The following SKAP1 variants were observed in gnomAD, a reference collection of about 807,000 sequenced individuals.
The protein encoded by SKAP1 is src kinase-associated phosphoprotein 1.
In SKAP1, 44 loss-of-function variants were observed where a neutral mutation model predicts 58.5. The ratio of observed to expected loss-of-function variants is 0.75; its 90% confidence interval spans 0.59 to 0.97. The LOEUF is 0.97. Among genes scored for constraint, SKAP1 ranks in the 50% least tolerant of loss-of-function variants. The pLI is 0.00. For missense variants in SKAP1, 390 were observed against 435.2 expected (o/e 0.90, Z 0.92); for synonymous variants, 127 against 149.7 (o/e 0.85, Z 1.11).
intron 2 of SKAP1, among the ~76,000 whole-genome samples, chr17:48,382,930 C>T (rs1338937002): frequency 6.6e-6 from 1 of 152,200 alleles, no homozygotes; most frequent in African/African-American, 2.4e-5. Context: ...AACCTTCAAA[C>T]CTTCTAGAGC....
chr17:48,398,128 T>C (rs1156708568), intron 1 of SKAP1, among the ~76,000 whole-genome samples: 1 of 152,166 alleles, frequency 6.6e-6, no homozygotes, highest in African/African-American at 2.4e-5. Flanking sequence ...TATGAAATTT[T>C]AAAGAAAGGG....
rs750424408 is a variant in SKAP1 at position 48,363,811 on chromosome 17, G to A, written c.156C>T (p.Tyr52=). 6 of 1,604,048 alleles carry A rather than the reference G, an allele frequency of 3.7e-6. No individual in the cohort carries two copies. Among genetic ancestry groups the A allele is most frequent in the Non-Finnish European group, 4.3e-6 (5 of 1,175,396 alleles). Residue 52 remains tyrosine, a synonymous_variant, in exon 3 of 13, where the codon TAC becomes TAT. Transcript: ENST00000336915. ...CACCTTGGGGCTGAAAATCCCAATA[G>A]TACCTGAAATACAAGGGGGAAAAAA... ...LRGFQQIKAR[Y]YWDFQPQGGD...
At position 48,160,428 on chromosome 17, in the gene SKAP1, T is replaced by C. The variant is rs573467592; in HGVS notation, c.978+2041A>G. Among the ~76,000 whole-genome samples the C allele has an allele frequency of 4.6e-5, 7 of 152,050 alleles. No homozygotes were observed. The South Asian group carries it at 6.2e-4, about 14-fold the overall frequency. The stretch of plus-strand genomic sequence containing the variant: ...CTGGGATCACAGGCGTAAGCCACCA[T>C]GCCTGGCCTATGTTAGCTTTTAGTA... On this transcript the variant is annotated intron_variant, in intron 11 of 12. Transcript: ENST00000336915.
intron 4 of SKAP1, among the ~76,000 whole-genome samples, chr17:48,225,696 A>G (rs1268318483): frequency 6.6e-6 from 1 of 152,156 alleles, no homozygotes; most frequent in African/African-American, 2.4e-5. Flanking sequence ...TGTTCTAACT[A>G]TGATGCACTT....
chr17:48,443,731 C>T, the SKAP1 span, among the ~76,000 whole-genome samples: 1 of 152,156 alleles, frequency 6.6e-6, no homozygotes, highest in Non-Finnish European at 1.5e-5. Context: ...TCACCTTGGC[C>T]TCCCAAAATG....
intron 4 of SKAP1, among the ~76,000 whole-genome samples, chr17:48,342,990 AAAT>A (rs947638835): frequency 1.3e-5 from 2 of 152,198 alleles, no homozygotes; most frequent in Non-Finnish European, 2.9e-5. Flanking sequence ...GTCTCAAAAA[AAAT>A]AATAATAAAA....
intron 2 of SKAP1, among the ~76,000 whole-genome samples, chr17:48,394,251 A>T (rs541869096): frequency 6.6e-6 from 1 of 152,292 alleles, no homozygotes; most frequent in South Asian, 2.1e-4. Context: ...AAACAAAAAA[A>T]TGACTAAAAA....
intron 4 of SKAP1, among the ~76,000 whole-genome samples, chr17:48,330,215 G>A (rs1394447609): frequency 6.6e-6 from 1 of 151,948 alleles, no homozygotes; most frequent in African/African-American, 2.4e-5. Context: ...TGGTATTATC[G>A]ATTCCAGTTA....
rs76907593 is a variant in SKAP1 at position 48,410,040 on chromosome 17, G to A, written c.47-13255C>T. On this transcript the variant is annotated intron_variant, in intron 1 of 12. Coordinates refer to ENST00000336915, the MANE Select transcript of SKAP1 (RefSeq NM_003726.4). The stretch of plus-strand genomic sequence containing the variant: ...AATGAGCAGAATTTGCAAGACTACA[G>A]GCAAAAGGAACTGAACATAAACACT... 1.1e-3 allele frequency among the ~76,000 whole-genome samples: 173 copies of A among 152,306 alleles called. 1 individual carries two copies. Among genetic ancestry groups the A allele is most frequent in the African/African-American group, 3.9e-3 (163 of 41,554 alleles).
intron 4 of SKAP1, among the ~76,000 whole-genome samples, chr17:48,298,430 T>A (rs953797804): frequency 6.6e-6 from 1 of 152,222 alleles, no homozygotes; most frequent in Non-Finnish European, 1.5e-5. Flanking sequence ...TTGAATTCAC[T>A]TTCAGGAATC....
At chr17:48,294,327 C>T (rs925422522) in intron 4 of SKAP1, 1 of 152,142 alleles carries the variant, frequency 6.6e-6, no homozygotes, top group Non-Finnish European at 1.5e-5. Context: ...CCGGCCTCAA[C>T]AATTTTTTTT....
rs543011158 is a variant in SKAP1 at position 48,266,392 on chromosome 17, T to C, written c.281-76892A>G. On this transcript the variant is annotated intron_variant, in intron 4 of 12. Transcript: ENST00000336915. Reference sequence around the variant, plus strand: ...GTTGTTGCCTGTAAAATACGAATTATACTATACATAACAATAAATACACTA... The same window carrying C: ...GTTGTTGCCTGTAAAATACGAATTACACTATACATAACAATAAATACACTA... Among the ~76,000 whole-genome samples the C allele has an allele frequency of 2.6e-5, 4 of 152,294 alleles. No individual in the cohort carries two copies. In the South Asian group the frequency reaches 8.3e-4, roughly 32 times the overall value.
intron 4 of SKAP1, among the ~76,000 whole-genome samples, chr17:48,190,910 G>A (rs901205904): frequency 1.3e-5 from 2 of 152,188 alleles, no homozygotes; most frequent in East Asian, 1.9e-4. Context: ...TCTTGAATGC[G>A]GGAGGCGGAG....
At chr17:48,271,219 C>T (rs2065627983) in intron 4 of SKAP1, among the ~76,000 whole-genome samples, 1 of 151,970 alleles carries the variant, frequency 6.6e-6, no homozygotes, top group Non-Finnish European at 1.5e-5. Flanking sequence ...AATCTAAACA[C>T]TATATTTCTA....
At chr17:48,311,465 C>T (rs2066223886) in intron 4 of SKAP1, among the ~76,000 whole-genome samples, 2 of 152,020 alleles carry the variant, frequency 1.3e-5, no homozygotes, top group East Asian at 1.9e-4. Flanking sequence ...TAAATAATTG[C>T]TTTTTTGCGG....
At chr17:48,411,101 A>C (rs1333118739) in intron 1 of SKAP1, among the ~76,000 whole-genome samples, 1 of 152,096 alleles carries the variant, frequency 6.6e-6, no homozygotes, top group African/African-American at 2.4e-5. Flanking sequence ...TAAATGGTTG[A>C]ATAGATAAAT....
the SKAP1 span, among the ~76,000 whole-genome samples, chr17:48,442,902 C>A: frequency 1.4e-4 from 21 of 152,330 alleles, no homozygotes; most frequent in South Asian, 4.4e-3. Context: ...TATTTCACTT[C>A]CTCACAATGG....
intron 6 of SKAP1, among the ~76,000 whole-genome samples, chr17:48,186,328 C>A (rs1009998325): frequency 6.6e-6 from 1 of 151,306 alleles, no homozygotes; most frequent in Non-Finnish European, 1.5e-5. Context: ...CCCCTAGATG[C>A]GAAATGTTCT....
chr17:48,205,025 T>TTC (rs2064789144), intron 4 of SKAP1, among the ~76,000 whole-genome samples: 5 of 34,656 alleles, frequency 1.4e-4, no homozygotes, highest in South Asian at 1.5e-3. Context: ...TTTTCTTTCT[T>TTC]TCTTTCTTTC....
Sources: gnomAD v4.1 joint callset for allele counts (sites outside exome capture counted in the v4.1 genomes callset) on GRCh38, gnomAD v4.1.1 for gene constraint, MANE v1.5 for transcripts, NCBI Gene and HGNC (gene_info 2026-07-23, HGNC 2026-07-21) for gene names.